The following NEDD4 variants were observed in gnomAD, a reference collection of about 807,000 sequenced individuals.
The protein encoded by NEDD4 is NEDD4 E3 ubiquitin protein ligase, also known as E3 ubiquitin-protein ligase NEDD4.
NEDD4 carries 99 observed loss-of-function variants against 144.9 expected under a neutral mutation model. That is an observed-to-expected ratio of 0.68 (90% confidence interval 0.58 to 0.81). NEDD4 has a LOEUF of 0.81. Ranked by LOEUF, NEDD4 falls within the 30% of genes least tolerant of loss-of-function variation. The pLI, the probability that NEDD4 is intolerant of heterozygous loss-of-function variation, is 0.00. For synonymous variants in NEDD4, 318 were observed against 350.6 expected (o/e 0.91, Z 1.04); for missense variants, 985 against 1,065.9 (o/e 0.92, Z 1.06).
intron 4 of NEDD4, among the ~76,000 whole-genome samples, chr15:55,930,719 C>A (rs1025313662): frequency 6.6e-6 from 1 of 152,148 alleles, no homozygotes; most frequent in African/African-American, 2.4e-5. Flanking sequence ...TAGTTTCCCC[C>A]ATACTGTTCT....
chr15:55,973,000 G>A (rs2037636225), intron 1 of NEDD4, among the ~76,000 whole-genome samples: 1 of 152,168 alleles, frequency 6.6e-6, no homozygotes, highest in South Asian at 2.1e-4. Flanking sequence ...TATTGTTAAA[G>A]TCAAAGAGTC....
At chr15:55,941,116 C>G (rs1427355979) in intron 4 of NEDD4, among the ~76,000 whole-genome samples, 3 of 152,056 alleles carry the variant, frequency 2.0e-5, no homozygotes, top group Non-Finnish European at 2.9e-5. Context: ...TCTGAGTACT[C>G]TCTCTGTCTC....
At chr15:55,859,985 T>C (rs1027387579) in intron 11 of NEDD4, among the ~76,000 whole-genome samples, 28 of 152,220 alleles carry the variant, frequency 1.8e-4, no homozygotes, top group African/African-American at 6.3e-4. Context: ...GAATTATCCC[T>C]GCTTCCCAAC....
rs536263886 is a variant in NEDD4 at position 55,874,810 on chromosome 15, C to T, written c.292-802G>A. The stretch of plus-strand genomic sequence containing the variant: ...CCAACACGGTGAAACCTCATCTCTA[C>T]GAAAAATACAAAAATTAGCCAGGTG... On this transcript the variant is annotated intron_variant, in intron 5 of 28. Transcript: ENST00000435532. Among the ~76,000 whole-genome samples, 9 of 152,110 alleles carry T rather than the reference C, an allele frequency of 5.9e-5. No homozygotes were observed. In the South Asian group the frequency reaches 8.3e-4, roughly 14 times the overall value.
chr15:55,972,771 T>C (rs1386567045), intron 1 of NEDD4, among the ~76,000 whole-genome samples: 4 of 151,952 alleles, frequency 2.6e-5, no homozygotes, highest in East Asian at 1.9e-4. Context: ...AAGACACACA[T>C]AGACTGAAAA....
chr15:55,925,800 T>A (rs1465931845), intron 4 of NEDD4, among the ~76,000 whole-genome samples: 1 of 152,140 alleles, frequency 6.6e-6, no homozygotes, highest in Non-Finnish European at 1.5e-5. Flanking sequence ...CTCATCACAC[T>A]GCACACCTCT....
At chr15:55,992,805 C>A (rs1201877899) in intron 1 of NEDD4, among the ~76,000 whole-genome samples, 1 of 152,198 alleles carries the variant, frequency 6.6e-6, no homozygotes, top group Non-Finnish European at 1.5e-5. Context: ...AGAGCTTAAT[C>A]TAGTTTTCAA....
At chr15:55,981,606 G>A (rs536828797) in intron 1 of NEDD4, among the ~76,000 whole-genome samples, 1 of 152,288 alleles carries the variant, frequency 6.6e-6, no homozygotes, top group Admixed American at 6.5e-5. Flanking sequence ...TTCTTCAAGA[G>A]TTTTTGACAG....
At chr15:55,895,450 G>C (rs1383571616) in intron 5 of NEDD4, among the ~76,000 whole-genome samples, 1 of 152,166 alleles carries the variant, frequency 6.6e-6, no homozygotes, top group Non-Finnish European at 1.5e-5. Flanking sequence ...AGTGTGAGAA[G>C]GTGAATTTTA....
intron 14 of NEDD4, 118 bp from the exon 15 acceptor site, chr15:55,849,004 A>G (rs1163103046): frequency 1.3e-6 from 1 of 765,168 alleles, no homozygotes; most frequent in African/African-American, 1.8e-5. Context: ...GTAAAAGTCA[A>G]TTTATACTTT....
intron 5 of NEDD4, among the ~76,000 whole-genome samples, chr15:55,885,277 A>G (rs2035345346): frequency 6.6e-6 from 1 of 152,198 alleles, no homozygotes; most frequent in Admixed American, 6.5e-5. Flanking sequence ...TCAATACCAG[A>G]CCTGTCCTAC....
At chr15:55,922,645 A>T (rs2036589852) in intron 5 of NEDD4, among the ~76,000 whole-genome samples, 1 of 152,126 alleles carries the variant, frequency 6.6e-6, no homozygotes. Flanking sequence ...TTACAGGCAT[A>T]AGCAACCATG....
At chr15:55,974,983 C>G (rs1265157263) in intron 1 of NEDD4, among the ~76,000 whole-genome samples, 2 of 148,758 alleles carry the variant, frequency 1.3e-5, no homozygotes, top group African/African-American at 2.5e-5. Context: ...ACCTCTGCCT[C>G]CCAGGTTCAA....
intron 4 of NEDD4, among the ~76,000 whole-genome samples, chr15:55,949,877 C>G (rs144709362): frequency 6.6e-6 from 1 of 151,586 alleles, no homozygotes; most frequent in East Asian, 1.9e-4. Context: ...GTGCAGCACA[C>G]CAATATGGCA....
At chr15:55,956,222 T>C (rs182625912) in intron 2 of NEDD4, among the ~76,000 whole-genome samples, 1 of 152,354 alleles carries the variant, frequency 6.6e-6, no homozygotes, top group Admixed American at 6.5e-5. Flanking sequence ...TTTAGGTTGT[T>C]TCCAGATATA....
At chr15:55,832,964 T>C in intron 27 of NEDD4, 44 bp downstream of exon 27, 1 of 1,283,598 alleles carries the variant, frequency 7.8e-7, no homozygotes, top group South Asian at 1.2e-5. Context: ...AAAAAGACAA[T>C]ACGCATTATT....
chr15:55,839,999 A>AAAAAAT (rs1566901067), intron 21 of NEDD4, among the ~76,000 whole-genome samples: 10 of 26,106 alleles, frequency 3.8e-4, no homozygotes, highest in South Asian at 1.8e-3. Context: ...AAAAAAAAAA[A>AAAAAAT]ATATATATAT....
intron 5 of NEDD4, among the ~76,000 whole-genome samples, chr15:55,890,946 A>G (rs768095099): frequency 1.3e-5 from 2 of 152,084 alleles, no homozygotes; most frequent in East Asian, 1.9e-4. Flanking sequence ...ATCTCTTACA[A>G]TCTTCCCTAC....
intron 4 of NEDD4, among the ~76,000 whole-genome samples, chr15:55,934,155 AAAT>A (rs1301927504): frequency 1.3e-5 from 2 of 152,142 alleles, no homozygotes; most frequent in African/African-American, 2.4e-5. Context: ...CTCTGTCTCA[AAAT>A]AATAATAATA....
Sources: allele counts gnomAD v4.1 joint callset (sites outside exome capture counted in the v4.1 genomes callset), GRCh38; gene constraint gnomAD v4.1.1; transcripts MANE v1.5; gene names NCBI Gene and HGNC (gene_info 2026-07-23, HGNC 2026-07-21).